The following EPHA6 variants were observed in gnomAD, a reference collection of about 807,000 sequenced individuals.
EPHA6 encodes the protein EPH receptor A6.
In EPHA6, 50 loss-of-function variants were observed where a neutral mutation model predicts 112.0. The ratio of observed to expected loss-of-function variants is 0.45; its 90% CI spans 0.36 to 0.56. EPHA6 has a LOEUF of 0.56. EPHA6 is among the 20% of genes least tolerant of loss of function. The probability of loss-of-function intolerance (pLI) is 0.00; values close to 1 mark genes in which losing one functional copy is unlikely to be tolerated. For synonymous variants in EPHA6, 529 were observed against 490.7 expected (o/e 1.08, Z -1.03); for missense variants, 1,280 against 1,417.4 (o/e 0.90, Z 1.56).
chr3:96,952,146 T>C (rs1482703133), intron 2 of EPHA6, among the ~76,000 whole-genome samples: 1 of 152,176 alleles, frequency 6.6e-6, no homozygotes, highest in African/African-American at 2.4e-5. Flanking sequence ...CATTCCTCAC[T>C]ACACCCATCC....
At chr3:97,747,361 AT>A (rs1250908670) in intron 16 of EPHA6, 61 bp from the exon 17 acceptor site, 3 of 1,346,596 alleles carry the variant, frequency 2.2e-6, no homozygotes, top group African/African-American at 1.5e-5. Context: ...AAGTTCCGTG[AT>A]TTGTGCTTTA....
chr3:97,556,555 A>G (rs1277331108), intron 11 of EPHA6, among the ~76,000 whole-genome samples: 1 of 152,012 alleles, frequency 6.6e-6, no homozygotes, highest in African/African-American at 2.4e-5. Flanking sequence ...CTCACTCACT[A>G]TCTTGAGAAC....
intron 5 of EPHA6, among the ~76,000 whole-genome samples, chr3:97,308,217 A>G (rs1267773579): frequency 1.3e-5 from 2 of 151,624 alleles, no homozygotes; most frequent in African/African-American, 4.8e-5. Context: ...CATCTGTATG[A>G]TTATAGTAAT....
At chr3:97,509,264 C>G (rs746751354) in intron 10 of EPHA6, among the ~76,000 whole-genome samples, 6 of 151,774 alleles carry the variant, frequency 4.0e-5, no homozygotes, top group Admixed American at 3.3e-4. Context: ...TTAGTTGATG[C>G]AGTTTCTTCA....
At chr3:97,286,107 C>G (rs1173609095) in intron 5 of EPHA6, among the ~76,000 whole-genome samples, 1 of 152,058 alleles carries the variant, frequency 6.6e-6, no homozygotes, top group Non-Finnish European at 1.5e-5. Context: ...TGAGTTATTT[C>G]TGTTCTCTGT....
intron 3 of EPHA6, among the ~76,000 whole-genome samples, chr3:97,166,496 A>G (rs931101306): frequency 6.6e-6 from 1 of 152,170 alleles, no homozygotes; most frequent in Non-Finnish European, 1.5e-5. Context: ...AGTCAAATTA[A>G]AATAGAAATT....
At chr3:97,095,626 A>T (rs1220790240) in intron 3 of EPHA6, among the ~76,000 whole-genome samples, 2 of 151,920 alleles carry the variant, frequency 1.3e-5, no homozygotes, top group Non-Finnish European at 2.9e-5. Context: ...CACATTTCCT[A>T]CCCTGCTTTT....
chr3:97,192,096 C>T (rs2077321506), intron 3 of EPHA6, among the ~76,000 whole-genome samples: 1 of 151,868 alleles, frequency 6.6e-6, no homozygotes. Flanking sequence ...TGTTGAACAC[C>T]ATTTTATATA....
intron 3 of EPHA6, among the ~76,000 whole-genome samples, chr3:97,169,568 C>T (rs914728932): frequency 2.6e-5 from 4 of 152,092 alleles, no homozygotes; most frequent in African/African-American, 9.7e-5. Context: ...TAAAGCCTCT[C>T]TTCTACAGGC....
intron 4 of EPHA6, 62 bp from the exon 5 acceptor site, chr3:97,243,890 T>A: frequency 7.8e-7 from 1 of 1,275,620 alleles, no homozygotes. Flanking sequence ...GAAGTTTTCA[T>A]TTTAGCGCCA....
chr3:97,698,723 G>A (rs1176783851), intron 14 of EPHA6, among the ~76,000 whole-genome samples: 1 of 152,202 alleles, frequency 6.6e-6, no homozygotes, highest in Non-Finnish European at 1.5e-5. Flanking sequence ...TATCGGGCAT[G>A]TGGCCCTCGA....
At chr3:97,649,076 C>T (rs1485573987) in intron 14 of EPHA6, among the ~76,000 whole-genome samples, 1 of 151,974 alleles carries the variant, frequency 6.6e-6, no homozygotes, top group South Asian at 2.1e-4. Flanking sequence ...TGAAACCAAC[C>T]GTGTTAGTCT....
At chr3:97,424,654 A>C (rs1410604873) in intron 6 of EPHA6, among the ~76,000 whole-genome samples, 2 of 152,062 alleles carry the variant, frequency 1.3e-5, no homozygotes, top group Admixed American at 6.5e-5. Flanking sequence ...AAATACAAAA[A>C]AATTAGCCAG....
chr3:97,106,408 A>C (rs2047570206), intron 3 of EPHA6, among the ~76,000 whole-genome samples: 1 of 151,998 alleles, frequency 6.6e-6, no homozygotes, highest in African/African-American at 2.4e-5. Context: ...TGCAAATTTT[A>C]TTATAATATC....
At chr3:97,246,397 C>A (rs778212495) in intron 5 of EPHA6, among the ~76,000 whole-genome samples, 13 of 151,752 alleles carry the variant, frequency 8.6e-5, no homozygotes, top group Admixed American at 5.9e-4. Flanking sequence ...GTTCATGTCT[C>A]TGCTTATCAA....
chr3:97,557,670 T>A (rs978051697), intron 11 of EPHA6, among the ~76,000 whole-genome samples: 3 of 151,946 alleles, frequency 2.0e-5, no homozygotes, highest in Admixed American at 6.6e-5. Flanking sequence ...ACATTACTCC[T>A]CCTCATTTTT....
At chr3:97,371,264 G>A (rs1013182797) in intron 5 of EPHA6, among the ~76,000 whole-genome samples, 1 of 152,064 alleles carries the variant, frequency 6.6e-6, no homozygotes, top group Non-Finnish European at 1.5e-5. Flanking sequence ...GAAAGTCAAC[G>A]CTCATTCATT....
intron 14 of EPHA6, among the ~76,000 whole-genome samples, chr3:97,719,105 C>T (rs2034394527): frequency 6.9e-5 from 9 of 130,684 alleles, no homozygotes; most frequent in Admixed American, 4.8e-4. Context: ...CCCCCACCCC[C>T]CCCGCCGCGG....
chr3:97,725,158 C>T (rs1255492633), intron 15 of EPHA6, among the ~76,000 whole-genome samples: 2 of 152,148 alleles, frequency 1.3e-5, no homozygotes, highest in African/African-American at 4.8e-5. Flanking sequence ...TGACCTCATT[C>T]TCTCCTACTG....
Sources: gnomAD v4.1 joint callset for allele counts (sites outside exome capture counted in the v4.1 genomes callset) on GRCh38, gnomAD v4.1.1 for gene constraint, MANE v1.5 for transcripts, NCBI Gene and HGNC (gene_info 2026-07-23, HGNC 2026-07-21) for gene names.